Variants in ARMH4 observed in about 807,000 individuals in gnomAD.
ARMH4 encodes armadillo like helical domain containing 4, also known as armadillo-like helical domain-containing protein 4.
In ARMH4, 49 loss-of-function variants were observed where a neutral mutation model predicts 61.9. The observed-to-expected ratio is 0.79, with a 90% CI of 0.63 to 1.00. ARMH4 has a LOEUF of 1.00. ARMH4 is among the 50% of genes least tolerant of loss of function. ARMH4 has a pLI of 0.00. For synonymous variants in ARMH4, 368 were observed against 341.5 expected, an observed-to-expected ratio of 1.08 and a Z score of -0.85; for missense variants, 934 against 930.0, an observed-to-expected ratio of 1.00 and a Z score of -0.06.
chr14:58,069,253 C>T (rs946767551), intron 5 of ARMH4, among the ~76,000 whole-genome samples: 6 of 152,120 alleles, frequency 3.9e-5, no homozygotes, highest in South Asian at 4.2e-4. Context: ...ATGCAGAGTA[C>T]GTTCATTCAT....
intron 5 of ARMH4, among the ~76,000 whole-genome samples, chr14:58,074,959 T>C (rs993147610): frequency 2.6e-5 from 4 of 152,150 alleles, no homozygotes; most frequent in African/African-American, 9.7e-5. Flanking sequence ...GCTTTATATA[T>C]TAAGAGCCGC....
intron 5 of ARMH4, among the ~76,000 whole-genome samples, chr14:58,018,080 AAT>A (rs1882680691): frequency 6.6e-6 from 1 of 152,228 alleles, no homozygotes; most frequent in Admixed American, 6.5e-5. Flanking sequence ...CACGCAAAAG[AAT>A]AAACTTACAG....
intron 5 of ARMH4, among the ~76,000 whole-genome samples, chr14:58,040,336 C>G (rs1883645293): frequency 6.6e-6 from 1 of 152,042 alleles, no homozygotes; most frequent in Non-Finnish European, 1.5e-5. Context: ...TTAAACAGGC[C>G]CCAGTGTCTG....
intron 4 of ARMH4, among the ~76,000 whole-genome samples, chr14:58,116,802 A>G (rs935610817): frequency 4.6e-5 from 7 of 152,230 alleles, no homozygotes; most frequent in African/African-American, 9.6e-5. Flanking sequence ...ACCGATTTAC[A>G]TAAGTACCTT....
At chr14:58,148,067 C>T (rs997263639) in intron 1 of ARMH4, among the ~76,000 whole-genome samples, 5 of 152,028 alleles carry the variant, frequency 3.3e-5, no homozygotes, top group Admixed American at 6.6e-5. Context: ...GTTTTATTTT[C>T]GAGATGGAGT....
At chr14:58,075,198 G>T (rs946623904) in intron 5 of ARMH4, among the ~76,000 whole-genome samples, 2 of 152,172 alleles carry the variant, frequency 1.3e-5, no homozygotes, top group Admixed American at 6.5e-5. Context: ...ACAGTGTGGT[G>T]ATTCCTCAAG....
At chr14:58,028,645 C>T (rs1006906853) in intron 5 of ARMH4, among the ~76,000 whole-genome samples, 6 of 152,200 alleles carry the variant, frequency 3.9e-5, no homozygotes, top group African/African-American at 1.4e-4. Flanking sequence ...TGTTAAACAT[C>T]CCAGCATTAT....
chr14:58,044,873 A>G, intron 5 of ARMH4, among the ~76,000 whole-genome samples: 1 of 152,238 alleles, frequency 6.6e-6, no homozygotes, highest in Non-Finnish European at 1.5e-5. Flanking sequence ...GCTCATCGTC[A>G]CTGGCCATCA....
intron 4 of ARMH4, among the ~76,000 whole-genome samples, chr14:58,115,561 C>T (rs1429280376): frequency 6.6e-6 from 1 of 152,178 alleles, no homozygotes; most frequent in East Asian, 1.9e-4. Context: ...ATTCAGCAAT[C>T]CCATTTCTGG....
intron 5 of ARMH4, among the ~76,000 whole-genome samples, chr14:58,079,650 C>T (rs1291936712): frequency 1.3e-5 from 2 of 152,186 alleles, no homozygotes; most frequent in East Asian, 3.8e-4. Flanking sequence ...TATGTGCCCA[C>T]AAAAACTCTA....
intron 5 of ARMH4, among the ~76,000 whole-genome samples, chr14:58,055,476 AAGATAAC>A (rs1367826935): frequency 4.6e-5 from 7 of 152,256 alleles, no homozygotes; most frequent in Non-Finnish European, 8.8e-5. Context: ...CAGTCTTAAA[AAGATAAC>A]AGATACAAAT....
chr14:58,134,726 G>T (rs1199756697), intron 2 of ARMH4, among the ~76,000 whole-genome samples: 3 of 151,996 alleles, frequency 2.0e-5, no homozygotes, highest in Non-Finnish European at 2.9e-5. Context: ...GGAGACTGAG[G>T]CGGGAGGATC....
At chr14:58,092,166 A>G (rs1885590038) in intron 5 of ARMH4, among the ~76,000 whole-genome samples, 1 of 151,494 alleles carries the variant, frequency 6.6e-6, no homozygotes, top group Non-Finnish European at 1.5e-5. Context: ...TATGGGTTTT[A>G]GCATTTGCTT....
chr14:58,120,461 G>A (rs1387200687), intron 4 of ARMH4, among the ~76,000 whole-genome samples: 1 of 152,028 alleles, frequency 6.6e-6, no homozygotes, highest in African/African-American at 2.4e-5. Context: ...TTTCTCTCCT[G>A]ACTCTTACTT....
At chr14:58,150,025 AG>A (rs150492935) in intron 1 of ARMH4, among the ~76,000 whole-genome samples, 2,759 of 152,270 alleles carry the variant, frequency 0.018, 85 homozygotes, top group African/African-American at 0.063. Context: ...GTGACCTGAG[AG>A]GGTTCTGCTG....
intron 5 of ARMH4, among the ~76,000 whole-genome samples, chr14:58,088,655 C>A (rs1039932359): frequency 3.9e-5 from 6 of 152,138 alleles, no homozygotes; most frequent in African/African-American, 9.7e-5. Flanking sequence ...GCCCACTCAT[C>A]CTGGATACAG....
At chr14:58,088,525 T>C (rs1020555681) in intron 5 of ARMH4, among the ~76,000 whole-genome samples, 1 of 152,078 alleles carries the variant, frequency 6.6e-6, no homozygotes, top group Admixed American at 6.6e-5. Flanking sequence ...TTCCATTCTT[T>C]CCAGAGAAAG....
intron 2 of ARMH4, among the ~76,000 whole-genome samples, chr14:58,135,284 G>A (rs1488417882): frequency 6.6e-6 from 1 of 151,872 alleles, no homozygotes; most frequent in Non-Finnish European, 1.5e-5. Context: ...CAATATTACT[G>A]TAAATCCCTA....
chr14:58,020,380 C>T (rs775147561), intron 5 of ARMH4, among the ~76,000 whole-genome samples: 7 of 152,128 alleles, frequency 4.6e-5, no homozygotes, highest in Non-Finnish European at 1.0e-4. Context: ...CCTCTCTGTT[C>T]CCTCGGACAA....
Sources: allele counts gnomAD v4.1 joint callset (sites outside exome capture counted in the v4.1 genomes callset), GRCh38; gene constraint gnomAD v4.1.1; transcripts MANE v1.5; gene names NCBI Gene and HGNC (gene_info 2026-07-23, HGNC 2026-07-21).